Variants in DCDC1 observed in about 807,000 individuals in gnomAD.
DCDC1 encodes the protein doublecortin domain-containing protein 1.
Under a neutral mutation model 178.3 loss-of-function variants are expected in DCDC1, and 200 were observed. The ratio of observed to expected loss-of-function variants is 1.12; its 90% CI spans 1.00 to 1.26. The LOEUF (loss-of-function observed/expected upper bound fraction) is 1.26, where lower values mean the gene tolerates loss of function less well. DCDC1 is among the 50% of genes most tolerant of loss of function. DCDC1 has a pLI of 0.00. For missense variants in DCDC1, 1,983 were observed against 1,749.2 expected, an observed-to-expected ratio of 1.13 and a Z score of -2.38; for synonymous variants, 690 against 604.8, an observed-to-expected ratio of 1.14 and a Z score of -2.07.
chr11:31,290,863 A>AT lies in DCDC1; in HGVS notation c.755-12dup. ...TTAACAACAGATGGTCTAGAAGATA[A>AT]TTTTTTAAGTCAAGTCAATATTTGG... is the stretch of plus-strand genomic sequence containing the variant. On this transcript the variant is annotated splice_polypyrimidine_tract_variant and intron_variant, in intron 6 of 38. Coordinates refer to ENST00000684477, the MANE Select transcript of DCDC1 (RefSeq NM_001387274.1). The AT allele has an allele frequency of 6.2e-7, 1 of 1,601,072 alleles. No homozygotes were observed. Among genetic ancestry groups the AT allele is most frequent in the Non-Finnish European group, 8.5e-7 (1 of 1,175,916 alleles).
chr11:31,231,954 A>G (rs1975822188), intron 9 of DCDC1, among the ~76,000 whole-genome samples: 2 of 152,312 alleles, frequency 1.3e-5, no homozygotes, highest in Non-Finnish European at 2.9e-5. Flanking sequence ...ACTCTAGCAT[A>G]TGCTTTCCAA....
rs567153824 is a variant in DCDC1, at chr11:30,886,338, T to A, written c.5083-5030A>T. Among the ~76,000 whole-genome samples the A allele has an allele frequency of 2.0e-5, 3 of 152,270 alleles. No homozygotes were observed. In the East Asian group the frequency reaches 5.8e-4, roughly 29 times the overall value. ...ATTTTCAAAAAGAGATTGCAGTAGA[T>A]TCATATGGTTTTATTTTATTATTTT... On this transcript the variant is annotated intron_variant, in intron 36 of 38. Coordinates refer to ENST00000684477, the MANE Select transcript of DCDC1 (RefSeq NM_001387274.1).
chr11:31,000,184 C>A (rs1951493441), intron 20 of DCDC1, among the ~76,000 whole-genome samples: 1 of 152,164 alleles, frequency 6.6e-6, no homozygotes, highest in South Asian at 2.1e-4. Flanking sequence ...TTAATTCTAA[C>A]TTTTAGGTTA....
At chr11:30,872,383 A>G (rs927627442) in intron 38 of DCDC1, among the ~76,000 whole-genome samples, 2 of 152,258 alleles carry the variant, frequency 1.3e-5, no homozygotes, top group African/African-American at 4.8e-5. Flanking sequence ...ACAGTAACAA[A>G]GAAATATGCC....
chr11:31,348,455 G>C (rs1950915947), intron 1 of DCDC1, among the ~76,000 whole-genome samples: 1 of 152,168 alleles, frequency 6.6e-6, no homozygotes, highest in South Asian at 2.1e-4. Context: ...CTTAGGTAGA[G>C]TTTTAGGCCA....
intron 9 of DCDC1, among the ~76,000 whole-genome samples, chr11:31,226,014 T>A (rs1974904730): frequency 6.6e-6 from 1 of 152,038 alleles, no homozygotes; most frequent in African/African-American, 2.4e-5. Flanking sequence ...GAAATAAATA[T>A]GAACTGATAG....
At chr11:30,971,599 CTTTGTTTTTT>C (rs1949787009) in intron 20 of DCDC1, among the ~76,000 whole-genome samples, 1 of 138,484 alleles carries the variant, frequency 7.2e-6, no homozygotes, top group Admixed American at 7.4e-5. Flanking sequence ...AAAAACAGGC[CTTTGTTTTTT>C]TTTTTTTTTT....
intron 3 of DCDC1, among the ~76,000 whole-genome samples, chr11:31,327,263 G>A (rs1949699405): frequency 6.6e-6 from 1 of 152,108 alleles, no homozygotes; most frequent in Admixed American, 6.5e-5. Context: ...CCAGCTCCCG[G>A]GTTCAAGCGA....
chr11:30,891,036 C>T (rs1943729501), intron 36 of DCDC1, among the ~76,000 whole-genome samples: 2 of 152,104 alleles, frequency 1.3e-5, no homozygotes, highest in South Asian at 2.1e-4. Flanking sequence ...ATGATATGTA[C>T]AGCCAAATTG....
rs554379351 is a variant in DCDC1 at position 31,330,228 on chromosome 11, C to A, written c.-6-1942G>T. ...GAGAAATGTCTGTTCATATCCTACG[C>A]CCACTTTTTGATGGGGTTGGTTTTT... On this transcript the variant is annotated intron_variant, in intron 2 of 38. Transcript: ENST00000684477. Among the ~76,000 whole-genome samples the A allele has an allele frequency of 5.5e-5, 7 of 128,112 alleles. No homozygotes were observed. The East Asian group carries it at 1.4e-3, about 26-fold the overall frequency. The allele number at this position is 128,112 out of a possible 152,430, so 84.0% of individuals were successfully genotyped here. A position where few individuals can be genotyped will look rare whatever the true frequency, so the allele number is the denominator to read the frequency against.
intron 18 of DCDC1, among the ~76,000 whole-genome samples, chr11:31,074,729 T>C (rs573764034): frequency 5.5e-4 from 83 of 152,276 alleles, no homozygotes; most frequent in South Asian, 1.7e-3. Flanking sequence ...GGTGTTGTTA[T>C]AACAAATGCT....
chr11:31,067,208 G>T (rs753145249), intron 18 of DCDC1, among the ~76,000 whole-genome samples: 6 of 152,056 alleles, frequency 3.9e-5, no homozygotes, highest in Admixed American at 6.6e-5. Flanking sequence ...GATAAGGGAT[G>T]TGTATCTGGA....
chr11:31,009,890 C>G (rs548812160), intron 20 of DCDC1, among the ~76,000 whole-genome samples: 2 of 152,296 alleles, frequency 1.3e-5, no homozygotes, highest in African/African-American at 4.8e-5. Flanking sequence ...ACCTTCTTCA[C>G]AAGGCGGCAG....
At chr11:31,063,229 A>C (rs1158735127) in intron 20 of DCDC1, among the ~76,000 whole-genome samples, 1 of 152,088 alleles carries the variant, frequency 6.6e-6, no homozygotes, top group Non-Finnish European at 1.5e-5. Context: ...GTGGAGAAAT[A>C]AGAACACTTT....
At chr11:31,098,840 C>A (rs1958319549) in intron 15 of DCDC1, among the ~76,000 whole-genome samples, 1 of 152,144 alleles carries the variant, frequency 6.6e-6, no homozygotes, top group African/African-American at 2.4e-5. Flanking sequence ...AGCTGTTTGT[C>A]TTTGAAAGCT....
At chr11:31,323,320 G>T (rs1949468407) in intron 3 of DCDC1, among the ~76,000 whole-genome samples, 1 of 152,158 alleles carries the variant, frequency 6.6e-6, no homozygotes, top group South Asian at 2.1e-4. Context: ...AATGACAGTT[G>T]CCAAGGATTT....
intron 9 of DCDC1, among the ~76,000 whole-genome samples, chr11:31,230,353 C>T (rs1975613322): frequency 6.7e-6 from 1 of 149,126 alleles, no homozygotes; most frequent in Non-Finnish European, 1.5e-5. Context: ...ATATTAAGGG[C>T]CAAAAAGAAA....
At chr11:31,275,298 T>C (rs1266477023) in intron 7 of DCDC1, among the ~76,000 whole-genome samples, 2 of 152,172 alleles carry the variant, frequency 1.3e-5, no homozygotes, top group Non-Finnish European at 2.9e-5. Flanking sequence ...CAATTCTTTT[T>C]AGTACCAGAG....
chr11:31,085,593 G>A (rs1435560907), intron 17 of DCDC1, among the ~76,000 whole-genome samples: 3 of 151,756 alleles, frequency 2.0e-5, no homozygotes, highest in Non-Finnish European at 4.4e-5. Flanking sequence ...TTTATTGCTG[G>A]GTATTCTATT....
Sources: gnomAD v4.1 joint callset for allele counts (sites outside exome capture counted in the v4.1 genomes callset) on GRCh38, gnomAD v4.1.1 for gene constraint, MANE v1.5 for transcripts, NCBI Gene and HGNC (gene_info 2026-07-23, HGNC 2026-07-21) for gene names.